The following NRXN3 variants were observed in gnomAD, a reference collection of about 807,000 sequenced individuals.
The protein encoded by NRXN3 is neurexin III.
A neutral mutation model predicts 137.6 loss-of-function variants in NRXN3; 32 were observed. The observed-to-expected ratio is 0.23, with a 90% CI of 0.18 to 0.31. NRXN3 has a LOEUF of 0.31. NRXN3 is among the 10% of genes least tolerant of loss of function. The pLI, the probability that NRXN3 is intolerant of heterozygous loss-of-function variation, is 1.00. For synonymous variants in NRXN3, 798 were observed against 784.5 expected (o/e 1.02, Z -0.29); for missense variants, 1,574 against 2,062.5 (o/e 0.76, Z 4.59).
chr14:79,304,430 T>C (rs1283744163), intron 15 of NRXN3, among the ~76,000 whole-genome samples: 1 of 152,056 alleles, frequency 6.6e-6, no homozygotes, highest in African/African-American at 2.4e-5. Context: ...AAAAAGGTAA[T>C]GGAAGCATGG....
At chr14:78,403,127 G>A (rs2092228093) in intron 4 of NRXN3, among the ~76,000 whole-genome samples, 1 of 152,104 alleles carries the variant, frequency 6.6e-6, no homozygotes, top group African/African-American at 2.4e-5. Context: ...GCTATGTTTT[G>A]GATCTGAAAT....
rs533156905 is a variant in NRXN3, at chr14:79,767,758, G to A, written c.4015-37354G>A. Among the ~76,000 whole-genome samples, 19 of 152,252 alleles carry A rather than the reference G, an allele frequency of 1.2e-4. No individual in the cohort carries two copies. In the South Asian group the frequency reaches 3.7e-3, roughly 30 times the overall value. ...GTGATGAAGTTAGAATTAGAAATCA[G>A]GGGGGAGGAGCCAAGATGGCTGAAC... On this transcript the variant is annotated intron_variant, in intron 19 of 20. Transcript: ENST00000335750.
intron 4 of NRXN3, among the ~76,000 whole-genome samples, chr14:78,562,256 G>T (rs1198447908): frequency 6.6e-6 from 1 of 152,010 alleles, no homozygotes; most frequent in Admixed American, 6.5e-5. Context: ...AATTAGTCAG[G>T]TGTGGTGGCA....
chr14:78,627,337 C>G (rs2097475186), intron 4 of NRXN3, among the ~76,000 whole-genome samples: 2 of 152,118 alleles, frequency 1.3e-5, no homozygotes, highest in Admixed American at 1.3e-4. Flanking sequence ...ATTTAGGCAG[C>G]ATTCTCTCCC....
intron 4 of NRXN3, among the ~76,000 whole-genome samples, chr14:78,524,333 A>G (rs371730792): frequency 7.9e-5 from 12 of 152,234 alleles, no homozygotes; most frequent in East Asian, 3.8e-4. Context: ...GGAAAGTGCT[A>G]TATCTGTGCA....
intron 4 of NRXN3, among the ~76,000 whole-genome samples, chr14:78,530,110 C>T (rs1239093888): frequency 6.6e-6 from 1 of 152,142 alleles, no homozygotes; most frequent in Non-Finnish European, 1.5e-5. Flanking sequence ...CTTGGCTAAT[C>T]AGAGAGATAA....
chr14:78,555,328 A>G (rs549811797), intron 4 of NRXN3, among the ~76,000 whole-genome samples: 24 of 152,322 alleles, frequency 1.6e-4, no homozygotes, highest in Admixed American at 8.5e-4. Flanking sequence ...TAAATGGAAA[A>G]ATTGAGTCAT....
chr14:78,487,975 G>T (rs2095595326), intron 4 of NRXN3, among the ~76,000 whole-genome samples: 1 of 152,034 alleles, frequency 6.6e-6, no homozygotes, highest in African/African-American at 2.4e-5. Flanking sequence ...CAGGCTGGAG[G>T]ACTTGAACAA....
chr14:79,320,157 A>C (rs1361979207), intron 15 of NRXN3, among the ~76,000 whole-genome samples: 2 of 152,192 alleles, frequency 1.3e-5, no homozygotes, highest in East Asian at 3.9e-4. Flanking sequence ...AAGGTGTCTA[A>C]TTAATTACTA....
At chr14:79,650,612 A>G (rs1251582707) in intron 16 of NRXN3, among the ~76,000 whole-genome samples, 1 of 152,166 alleles carries the variant, frequency 6.6e-6, no homozygotes, top group African/African-American at 2.4e-5. Context: ...ACACCAAAGT[A>G]TCGTTTACAC....
intron 16 of NRXN3, among the ~76,000 whole-genome samples, chr14:79,634,205 G>A (rs1281302960): frequency 1.3e-5 from 2 of 152,122 alleles, no homozygotes; most frequent in Admixed American, 1.3e-4. Context: ...CAATCCTACT[G>A]GTGGACTTAC....
chr14:78,836,424 G>A (rs1477666078), intron 10 of NRXN3, among the ~76,000 whole-genome samples: 1 of 152,200 alleles, frequency 6.6e-6, no homozygotes, highest in Non-Finnish European at 1.5e-5. Context: ...TTGCCTAAAT[G>A]AGAAGCTGGC....
chr14:78,772,546 A>T (rs1398701610), intron 8 of NRXN3, among the ~76,000 whole-genome samples: 2 of 152,232 alleles, frequency 1.3e-5, no homozygotes, highest in Admixed American at 6.5e-5. Flanking sequence ...GACAATGATA[A>T]AAAGGAATCA....
intron 1 of NRXN3, among the ~76,000 whole-genome samples, chr14:78,180,175 G>A (rs1005647876): frequency 5.3e-5 from 8 of 152,100 alleles, no homozygotes; most frequent in East Asian, 1.9e-4. Context: ...ATGGGGGAGG[G>A]CGCTTTTATA....
At chr14:78,400,178 C>G (rs2153653528) in intron 4 of NRXN3, among the ~76,000 whole-genome samples, 1 of 152,288 alleles carries the variant, frequency 6.6e-6, no homozygotes, top group East Asian at 1.9e-4. Context: ...AGAGAAATTT[C>G]TCTCAGACAT....
At chr14:78,395,578 C>T (rs574729969) in intron 4 of NRXN3, among the ~76,000 whole-genome samples, 1 of 151,786 alleles carries the variant, frequency 6.6e-6, no homozygotes, top group Admixed American at 6.6e-5. Context: ...GATTTTCTAT[C>T]TAGTTGTCCT....
intron 15 of NRXN3, among the ~76,000 whole-genome samples, chr14:79,011,096 C>T (rs1025549251): frequency 2.0e-5 from 3 of 151,762 alleles, no homozygotes; most frequent in Non-Finnish European, 4.4e-5. Context: ...TCTCTATTTA[C>T]GTAGAGGTCT....
intron 15 of NRXN3, among the ~76,000 whole-genome samples, chr14:79,095,385 A>T (rs926951094): frequency 2.0e-5 from 3 of 152,120 alleles, no homozygotes; most frequent in African/African-American, 7.2e-5. Flanking sequence ...TATAAATCTA[A>T]ATCTTTCATT....
chr14:79,011,770 G>A (rs1057221905), intron 15 of NRXN3, among the ~76,000 whole-genome samples: 29 of 152,170 alleles, frequency 1.9e-4, no homozygotes, highest in African/African-American at 5.3e-4. Flanking sequence ...CTATGAGATC[G>A]CCCCGGAATG....
Sources: gnomAD v4.1 joint callset for allele counts (sites outside exome capture counted in the v4.1 genomes callset) on GRCh38, gnomAD v4.1.1 for gene constraint, MANE v1.5 for transcripts, NCBI Gene and HGNC (gene_info 2026-07-23, HGNC 2026-07-21) for gene names.